TG: variants seen among roughly 807,000 people sequenced by gnomAD.
TG encodes thyroglobulin, also known as thyroid hormones.
TG carries 270 observed loss-of-function variants against 324.7 expected under a neutral mutation model. That is an observed-to-expected ratio of 0.83 (90% CI 0.75 to 0.92). The LOEUF is 0.92. Ranked by LOEUF, TG falls within the 40% of genes least tolerant of loss-of-function variation. The pLI, the probability that TG is intolerant of heterozygous loss-of-function variation, is 0.00. For missense variants in TG, 3,591 were observed against 3,456.4 expected (o/e 1.04, Z -0.98); for synonymous variants, 1,401 against 1,327.0 (o/e 1.06, Z -1.21).
At chr8:132,878,877 C>T (rs1047367584) in intron 5 of TG, among the ~76,000 whole-genome samples, 5 of 152,184 alleles carry the variant, frequency 3.3e-5, no homozygotes, top group Middle Eastern at 3.2e-3. Context: ...TCAAACTCAC[C>T]TCCTTTGGGG....
In TG at chr8:132,966,613, G is replaced by A. The variant is rs1828603335; in HGVS notation, c.5602G>A (p.Gly1868Arg). 6.2e-7 allele frequency: 1 copy of A among 1,614,088 alleles called. No individual in the cohort carries two copies. The highest frequency in any genetic ancestry group is 8.5e-7 in the Non-Finnish European group (1 of 1,180,008). Residue 1868 changes from glycine to arginine, a missense_variant, in exon 30 of 48, where the codon GGA (glycine) becomes AGA (arginine). Coordinates refer to ENST00000220616, the MANE Select transcript of TG (RefSeq NM_003235.5). Reference protein sequence around the residue: ...PVDLNQVIVNGNQSLSSQKHW... With the variant: ...PVDLNQVIVNRNQSLSSQKHW... ...GGACCTCAACCAGGTCATTGTCAAT[G>A]GAAATCAATCACTATCCAGCCAGAA...
At chr8:132,921,724 T>C (rs987290957) in intron 21 of TG, among the ~76,000 whole-genome samples, 1 of 152,268 alleles carries the variant, frequency 6.6e-6, no homozygotes, top group Admixed American at 6.5e-5. Context: ...GGACCATGTT[T>C]GAGGTTCTGC....
intron 41 of TG, chr8:133,048,566 G>C (rs1239251613): frequency 6.4e-6 from 1 of 155,734 alleles, no homozygotes; most frequent in Non-Finnish European, 1.4e-5. Flanking sequence ...CACCTCTGTT[G>C]GATTGGTAGC....
chr8:133,056,773 A>T (rs752149323), intron 41 of TG, among the ~76,000 whole-genome samples: 28 of 152,172 alleles, frequency 1.8e-4, no homozygotes, highest in Non-Finnish European at 2.8e-4. Flanking sequence ...TTTACAAAGG[A>T]GGACAGAGAG....
At chr8:132,926,379 A>G (rs944990157) in intron 22 of TG, among the ~76,000 whole-genome samples, 3 of 152,346 alleles carry the variant, frequency 2.0e-5, no homozygotes, top group Non-Finnish European at 2.9e-5. Flanking sequence ...GATTCTGCCT[A>G]TGCAATGCCC....
chr8:133,105,203 G>A (rs1849695403), intron 43 of TG, among the ~76,000 whole-genome samples: 1 of 152,180 alleles, frequency 6.6e-6, no homozygotes, highest in Non-Finnish European at 1.5e-5. Flanking sequence ...AAAAATTGGA[G>A]CATTATCAAT....
chr8:132,912,153 T>G (rs1164625894), intron 19 of TG, among the ~76,000 whole-genome samples: 1 of 152,188 alleles, frequency 6.6e-6, no homozygotes, highest in Non-Finnish European at 1.5e-5. Flanking sequence ...AGGAAGAACT[T>G]CTGGAAAACA....
At chr8:133,090,837 G>A (rs968232877) in intron 41 of TG, among the ~76,000 whole-genome samples, 7 of 152,126 alleles carry the variant, frequency 4.6e-5, no homozygotes, top group African/African-American at 1.7e-4. Flanking sequence ...TGGAACAAGA[G>A]CCATGAGCTT....
At position 132,891,320 on chromosome 8, in the gene TG, C is replaced by T. The variant is rs77083500; in HGVS notation, c.2762-2370C>T. ...CAGGAGGGAATGAAAGAAGAAGAGGCGGATAGTAAATTGGGAACAGATTAT... is the reference window on the plus strand; with the variant it reads ...CAGGAGGGAATGAAAGAAGAAGAGGTGGATAGTAAATTGGGAACAGATTAT... On this transcript the variant is annotated intron_variant, in intron 10 of 47. Coordinates refer to ENST00000220616, the MANE Select transcript of TG (RefSeq NM_003235.5). Among the ~76,000 whole-genome samples the T allele has an allele frequency of 9.1e-3, 1,386 of 152,030 alleles. 39 individuals are homozygous for T. The highest frequency in any genetic ancestry group is 0.087 in the East Asian group (449 of 5,168).
At chr8:133,080,459 C>T (rs529215125) in intron 41 of TG, among the ~76,000 whole-genome samples, 29 of 152,216 alleles carry the variant, frequency 1.9e-4, no homozygotes, top group African/African-American at 6.3e-4. Flanking sequence ...CACTAGCCTC[C>T]CATTGGGTCT....
chr8:133,087,071 TACACACAC>T (rs56028043), intron 41 of TG, among the ~76,000 whole-genome samples: 17,511 of 142,928 alleles, frequency 0.12, 1,195 homozygotes, highest in Non-Finnish European at 0.15. Flanking sequence ...AATATATGTT[TACACACAC>T]ACACACACAC....
chr8:133,043,199 A>G (rs897424508), intron 41 of TG, among the ~76,000 whole-genome samples: 1 of 152,120 alleles, frequency 6.6e-6, no homozygotes, highest in African/African-American at 2.4e-5. Flanking sequence ...GGGGTGAGAT[A>G]TTCCCCATGG....
rs1262984908 is a variant in TG at position 133,072,464 on chromosome 8, GGATA to G, written c.7240-22568_7240-22565del. 2.6e-5 allele frequency among the ~76,000 whole-genome samples: 4 copies of G among 152,196 alleles called. 1 individual carries two copies. The highest frequency in any genetic ancestry group is 7.2e-5 in the African/African-American group (3 of 41,526). ...TGGATAGATGGATAGATAGATAGAT[GGATA>G]GATAGATAGATGGACAGATAAATGT... On this transcript the variant is annotated intron_variant, in intron 41 of 47. Transcript: ENST00000220616.
chr8:132,983,743 G>A, intron 35 of TG: 2 of 421,634 alleles, frequency 4.7e-6, no homozygotes, highest in Non-Finnish European at 8.9e-6. Context: ...ACAATCCGGA[G>A]GCAATGTCAA....
chr8:132,867,165 C>A, intron 1 of TG, 98 bp downstream of exon 1: 2 of 1,089,734 alleles, frequency 1.8e-6, no homozygotes, highest in East Asian at 2.6e-5. Flanking sequence ...CTAATTTAAT[C>A]TTCACAAATT....
rs1253243061 is a variant in TG, at chr8:133,029,821, G to C, written c.7037G>C (p.Gly2346Ala). ...TAAAAGGCTTTCCTCTTTTCTGAAG[G>C]GTCCGGAGAGGTGAGTGGCAACTGG... ...RVGVFGFLSS[G>A]SGEVSGNWGL... Residue 2346 changes from glycine (G) to alanine (A), a missense_variant and splice_region_variant, in exon 41 of 48, where the codon GGG (glycine) becomes GCG (alanine). Gly to Ala is a moderately conservative substitution (Grantham distance 60). Transcript: ENST00000220616. 1.2e-6 allele frequency: 2 copies of C among 1,613,968 alleles called. No individual in the cohort carries two copies. The highest frequency in any genetic ancestry group is 2.7e-5 in the African/African-American group (2 of 74,940).
intron 21 of TG, 26 bp from the exon 22 acceptor site, chr8:132,923,312 C>G (rs189116995): frequency 6.2e-7 from 1 of 1,613,480 alleles, no homozygotes; most frequent in African/African-American, 1.3e-5. Context: ...CCATTATTGA[C>G]GGCTATGTCA....
Position 133,107,980 on chromosome 8 carries a change from T to C in TG, c.7573-5442T>C, listed in dbSNP as rs113584506. On this transcript the variant is annotated intron_variant, in intron 43 of 47. Transcript: ENST00000220616. ...GGCCAGTCCTTTTTCTTTTCTTTTC[T>C]TCTTTTTTTTTTTTTTTTTTTGAGA... Among the ~76,000 whole-genome samples, 102 of 129,118 alleles carry C rather than the reference T, an allele frequency of 7.9e-4. 1 individual carries two copies. Among genetic ancestry groups the C allele is most frequent in the South Asian group, 3.1e-3 (14 of 4,558 alleles). 84.7% of individuals were successfully genotyped at this position (129,118 alleles called of 152,430 possible).
chr8:133,133,723 C>A, intron 47 of TG, 63 bp downstream of exon 47: 2 of 1,556,830 alleles, frequency 1.3e-6, no homozygotes, highest in Non-Finnish European at 1.8e-6. Flanking sequence ...GCTGTGCTCG[C>A]TGCATGAGAC....
Sources: allele counts gnomAD v4.1 joint callset (sites outside exome capture counted in the v4.1 genomes callset), GRCh38; gene constraint gnomAD v4.1.1; transcripts MANE v1.5; gene names NCBI Gene and HGNC (gene_info 2026-07-23, HGNC 2026-07-21).